Variants in NTRK2 observed in about 807,000 individuals in gnomAD.
NTRK2 encodes the protein neurotrophic receptor tyrosine kinase 2.
A neutral mutation model predicts 94.5 loss-of-function variants in NTRK2; 13 were observed. The observed-to-expected ratio is 0.14, with a 90% CI of 0.09 to 0.22. The LOEUF (loss-of-function observed/expected upper bound fraction) is 0.22, where lower values mean the gene tolerates loss of function less well. Ranked by LOEUF, NTRK2 falls within the 10% of genes least tolerant of loss-of-function variation. The probability of loss-of-function intolerance (pLI) is 1.00; values close to 1 mark genes in which losing one functional copy is unlikely to be tolerated. For missense variants in NTRK2, 639 were observed against 1,071.2 expected (o/e 0.60, Z 5.63); for synonymous variants, 372 against 407.4 (o/e 0.91, Z 1.05).
chr9:85,018,812 G>C (rs1832523082), intron 17 of NTRK2, among the ~76,000 whole-genome samples: 1 of 152,122 alleles, frequency 6.6e-6, no homozygotes, highest in African/African-American at 2.4e-5. Context: ...TCTGTCCATT[G>C]AACACTGATG....
chr9:84,786,683 C>A (rs998627375), intron 12 of NTRK2, among the ~76,000 whole-genome samples: 3 of 152,024 alleles, frequency 2.0e-5, no homozygotes, highest in Non-Finnish European at 2.9e-5. Context: ...GGGAAAAAAT[C>A]TTGGTTCAGA....
At chr9:84,744,839 A>G in intron 10 of NTRK2, 134 bp from the exon 11 acceptor site, 2 of 784,784 alleles carry the variant, frequency 2.5e-6, no homozygotes, top group Non-Finnish European at 2.3e-6. Context: ...ACGTCCCTCC[A>G]CAGCCAGACT....
chr9:85,006,796 G>A (rs1367247251), intron 17 of NTRK2, among the ~76,000 whole-genome samples: 1 of 152,122 alleles, frequency 6.6e-6, no homozygotes, highest in Admixed American at 6.5e-5. Context: ...CTAATTTACA[G>A]TTTCAACAGG....
intron 17 of NTRK2, among the ~76,000 whole-genome samples, chr9:84,986,060 C>T (rs1828251670): frequency 6.6e-6 from 1 of 152,156 alleles, no homozygotes; most frequent in South Asian, 2.1e-4. Context: ...AGAGTTTGAA[C>T]AGTGGTTGCT....
chr9:84,758,051 TG>T (rs1336475344), intron 12 of NTRK2, among the ~76,000 whole-genome samples: 1 of 152,098 alleles, frequency 6.6e-6, no homozygotes, highest in Non-Finnish European at 1.5e-5. Flanking sequence ...TAATAATGAA[TG>T]TAAATATCTT....
At chr9:84,731,271 C>CA (rs1011737859) in intron 9 of NTRK2, among the ~76,000 whole-genome samples, 16 of 151,494 alleles carry the variant, frequency 1.1e-4, no homozygotes, top group African/African-American at 2.4e-4. Flanking sequence ...CCCTTCTCTA[C>CA]AAAAAAAATA....
At chr9:84,906,316 G>A (rs1466078958) in intron 14 of NTRK2, among the ~76,000 whole-genome samples, 1 of 152,164 alleles carries the variant, frequency 6.6e-6, no homozygotes, top group East Asian at 1.9e-4. Flanking sequence ...AAGGACAAGA[G>A]CAGCTCTGAG....
chr9:85,021,007 C>T lies in NTRK2; in HGVS notation c.2332-245C>T, dbSNP rs577371161. Reference sequence around the variant, plus strand: ...CTCCAGTGTGAGGTTTGGGACCATTCCATATAAATTATTTTTCCACCAGTT... The same window carrying T: ...CTCCAGTGTGAGGTTTGGGACCATTTCATATAAATTATTTTTCCACCAGTT... On this transcript the variant is annotated intron_variant, in intron 18 of 18. Transcript: ENST00000277120. 1.2e-4 allele frequency among the ~76,000 whole-genome samples: 18 copies of T among 152,234 alleles called. No homozygotes were observed. In the South Asian group the frequency reaches 3.5e-3, roughly 30 times the overall value.
intron 12 of NTRK2, among the ~76,000 whole-genome samples, chr9:84,791,451 TA>T (rs1375063599): frequency 2.0e-5 from 3 of 152,144 alleles, no homozygotes; most frequent in Non-Finnish European, 4.4e-5. Flanking sequence ...CCTCAGAAGC[TA>T]ACAGAACCCG....
At chr9:85,018,301 G>C (rs1438367050) in intron 17 of NTRK2, among the ~76,000 whole-genome samples, 1 of 152,142 alleles carries the variant, frequency 6.6e-6, no homozygotes, top group Admixed American at 6.5e-5. Flanking sequence ...TCCAATTATG[G>C]CTTCAGAGAA....
At chr9:84,867,827 A>G (rs2075665089) in intron 14 of NTRK2, among the ~76,000 whole-genome samples, 1 of 152,200 alleles carries the variant, frequency 6.6e-6, no homozygotes, top group Non-Finnish European at 1.5e-5. Context: ...AAGTAATTGA[A>G]ATATGCACTC....
intron 12 of NTRK2, among the ~76,000 whole-genome samples, chr9:84,833,616 G>T (rs1211734620): frequency 6.7e-6 from 1 of 149,276 alleles, no homozygotes; most frequent in Non-Finnish European, 1.5e-5. Context: ...AAAAGAAAGA[G>T]AGAGAGAAAG....
At chr9:84,987,975 C>A (rs979403191) in intron 17 of NTRK2, among the ~76,000 whole-genome samples, 1 of 152,166 alleles carries the variant, frequency 6.6e-6, no homozygotes, top group Non-Finnish European at 1.5e-5. Flanking sequence ...TATTTATTAC[C>A]CATCAATCAA....
At position 85,020,373 on chromosome 9, in the gene NTRK2, TG is replaced by T; in HGVS notation, c.2331+12del. On this transcript the variant is annotated intron_variant, in intron 18 of 18. Transcript: ENST00000277120. ...AGCTGTCAAACAATGAGGTGTGCAA[TG>T]GGTCTGGCCAAGACCCTCCAGAGGG... is the stretch of plus-strand genomic sequence containing the variant. 6.2e-7 allele frequency: 1 copy of T among 1,614,122 alleles called. No homozygotes were observed. The highest frequency in any genetic ancestry group is 1.1e-5 in the South Asian group (1 of 91,084).
chr9:84,742,525 G>A (rs1032181900), intron 10 of NTRK2, among the ~76,000 whole-genome samples: 6 of 152,176 alleles, frequency 3.9e-5, no homozygotes, highest in African/African-American at 1.2e-4. Context: ...AAAGGGAAGC[G>A]CTCCTGAAGG....
intron 14 of NTRK2, among the ~76,000 whole-genome samples, chr9:84,878,781 A>C (rs974471814): frequency 6.6e-6 from 1 of 151,972 alleles, no homozygotes; most frequent in Non-Finnish European, 1.5e-5. Context: ...CAAGAATCTC[A>C]CTCCCTTTAG....
intron 2 of NTRK2, among the ~76,000 whole-genome samples, chr9:84,691,196 A>C (rs922095919): frequency 1.3e-5 from 2 of 152,246 alleles, no homozygotes; most frequent in African/African-American, 2.4e-5. Flanking sequence ...GTATTCCAAA[A>C]GGAATTTCTT....
At chr9:84,844,251 T>C (rs745940220) in intron 12 of NTRK2, among the ~76,000 whole-genome samples, 6 of 152,242 alleles carry the variant, frequency 3.9e-5, no homozygotes, top group Non-Finnish European at 7.3e-5. Context: ...TGCAGCTGCC[T>C]GAGAGCTGGA....
chr9:84,745,585 AT>A (rs1490616046), intron 11 of NTRK2, among the ~76,000 whole-genome samples: 5 of 152,178 alleles, frequency 3.3e-5, no homozygotes, highest in Non-Finnish European at 5.9e-5. Context: ...AGTACAAGAG[AT>A]AGAAGTGGAG....
Sources: gnomAD v4.1 joint callset for allele counts (sites outside exome capture counted in the v4.1 genomes callset) on GRCh38, gnomAD v4.1.1 for gene constraint, MANE v1.5 for transcripts, NCBI Gene and HGNC (gene_info 2026-07-23, HGNC 2026-07-21) for gene names.